CCDC148: variants seen among roughly 807,000 people sequenced by gnomAD.
The protein encoded by CCDC148 is coiled-coil domain-containing protein 148.
In CCDC148, 89 loss-of-function variants were observed where a neutral mutation model predicts 85.7. The ratio of observed to expected loss-of-function variants is 1.04; its 90% confidence interval spans 0.87 to 1.24. The LOEUF (loss-of-function observed/expected upper bound fraction) is 1.24. CCDC148 is among the 50% of genes most tolerant of loss of function. The pLI is 0.00. For synonymous variants in CCDC148, 230 were observed against 213.9 expected (o/e 1.08, Z -0.66); for missense variants, 692 against 671.7 (o/e 1.03, Z -0.33).
chr2:158,241,087 G>A (rs1426320807), intron 10 of CCDC148, among the ~76,000 whole-genome samples: 2 of 152,106 alleles, frequency 1.3e-5, no homozygotes, highest in African/African-American at 2.4e-5. Flanking sequence ...TCTCCTAACC[G>A]CTCCAACTTA....
chr2:158,304,473 G>T (rs1659965042), intron 9 of CCDC148, among the ~76,000 whole-genome samples: 1 of 152,094 alleles, frequency 6.6e-6, no homozygotes, highest in Admixed American at 6.6e-5. Flanking sequence ...ATTTATTGTT[G>T]TTCCATCCCA....
At chr2:158,332,146 G>A (rs867388048) in intron 7 of CCDC148, among the ~76,000 whole-genome samples, 7 of 152,140 alleles carry the variant, frequency 4.6e-5, no homozygotes, top group African/African-American at 7.2e-5. Flanking sequence ...GGCTGGTACT[G>A]GTTGTTCCTT....
At chr2:158,298,102 G>T (rs1691275295) in intron 9 of CCDC148, among the ~76,000 whole-genome samples, 1 of 152,186 alleles carries the variant, frequency 6.6e-6, no homozygotes, top group Admixed American at 6.5e-5. Context: ...GCCCAGCAAA[G>T]GGGGAAGCCC....
chr2:158,379,832 G>A (rs1684799472), intron 1 of CCDC148, among the ~76,000 whole-genome samples: 2 of 152,136 alleles, frequency 1.3e-5, no homozygotes, highest in African/African-American at 2.4e-5. Context: ...ATAGTATACT[G>A]TAAACATAAC....
intron 1 of CCDC148, among the ~76,000 whole-genome samples, chr2:158,392,509 T>G (rs75785612): frequency 0.011 from 1,628 of 152,188 alleles, 21 homozygotes; most frequent in African/African-American, 0.032. Flanking sequence ...ATTTTAGATT[T>G]TTGGATTTGA....
chr2:158,198,353 T>C (rs541948112), intron 11 of CCDC148, among the ~76,000 whole-genome samples: 2 of 152,314 alleles, frequency 1.3e-5, no homozygotes, highest in East Asian at 1.9e-4. Context: ...AGACACTCAA[T>C]AATAATTATT....
chr2:158,264,815 T>A (rs1469439127), intron 9 of CCDC148, among the ~76,000 whole-genome samples: 1 of 152,136 alleles, frequency 6.6e-6, no homozygotes, highest in Non-Finnish European at 1.5e-5. Context: ...TTCGTGGAAA[T>A]GGGAAATCTT....
chr2:158,278,661 G>A (rs1325048761), intron 9 of CCDC148, among the ~76,000 whole-genome samples: 1 of 152,270 alleles, frequency 6.6e-6, no homozygotes, highest in Non-Finnish European at 1.5e-5. Flanking sequence ...AGCTCAAGGA[G>A]GCCTGCCTGC....
intron 13 of CCDC148, among the ~76,000 whole-genome samples, chr2:158,175,508 A>G (rs1327376085): frequency 6.6e-6 from 1 of 151,836 alleles, no homozygotes; most frequent in African/African-American, 2.4e-5. Context: ...GACATTCATT[A>G]CAGAGTTGAT....
At chr2:158,254,710 A>G (rs965430) in intron 9 of CCDC148, among the ~76,000 whole-genome samples, 6,647 of 151,602 alleles carry the variant, frequency 0.044, 515 homozygotes, top group African/African-American at 0.15. Flanking sequence ...TTTTAATGAA[A>G]ATAAGTTAGG....
chr2:158,290,500 C>G (rs1047723605), intron 9 of CCDC148, among the ~76,000 whole-genome samples: 13 of 152,236 alleles, frequency 8.5e-5, no homozygotes, highest in Middle Eastern at 3.4e-3. Context: ...GCTTGCTGTT[C>G]CCTTTGCTTA....
chr2:158,201,896 C>A (rs548349908), intron 11 of CCDC148, among the ~76,000 whole-genome samples: 7 of 152,072 alleles, frequency 4.6e-5, no homozygotes, highest in Non-Finnish European at 1.0e-4. Context: ...TGGTTAAGTA[C>A]GTAATTGTCC....
chr2:158,366,476 G>A (rs1417559704), intron 1 of CCDC148, among the ~76,000 whole-genome samples: 1 of 152,172 alleles, frequency 6.6e-6, no homozygotes, highest in African/African-American at 2.4e-5. Context: ...AGATGCACCA[G>A]CCAGATCAAA....
chr2:158,194,020 A>T (rs1421917893), intron 11 of CCDC148, among the ~76,000 whole-genome samples: 1 of 151,948 alleles, frequency 6.6e-6, no homozygotes, highest in Non-Finnish European at 1.5e-5. Flanking sequence ...GTATAATAAA[A>T]AAAAAAAATT....
intron 1 of CCDC148, among the ~76,000 whole-genome samples, chr2:158,434,986 CA>C (rs1687568494): frequency 6.6e-6 from 1 of 152,066 alleles, no homozygotes; most frequent in African/African-American, 2.4e-5. Context: ...GTGAAAAGAC[CA>C]AATCTATGTC....
intron 11 of CCDC148, among the ~76,000 whole-genome samples, chr2:158,215,364 T>C (rs951550289): frequency 6.6e-6 from 1 of 152,136 alleles, no homozygotes; most frequent in African/African-American, 2.4e-5. Context: ...ATTTTGAAGT[T>C]TGTGCTCTAC....
intron 1 of CCDC148, among the ~76,000 whole-genome samples, chr2:158,376,021 C>A (rs1196157241): frequency 3.9e-5 from 6 of 152,118 alleles, no homozygotes; most frequent in Non-Finnish European, 8.8e-5. Flanking sequence ...ACAAAATCCT[C>A]AACTGAGATA....
intron 1 of CCDC148, among the ~76,000 whole-genome samples, chr2:158,438,758 T>A (rs138980416): frequency 6.6e-6 from 1 of 151,862 alleles, no homozygotes; most frequent in Non-Finnish European, 1.5e-5. Flanking sequence ...GAATCTACAA[T>A]GAACTCCAAC....
At chr2:158,221,422 G>T (rs552281602) in intron 10 of CCDC148, among the ~76,000 whole-genome samples, 2 of 152,202 alleles carry the variant, frequency 1.3e-5, no homozygotes, top group East Asian at 1.9e-4. Flanking sequence ...CCTTATTCAG[G>T]ATTTCCCAAT....
Sources: gnomAD v4.1 joint callset for allele counts (sites outside exome capture counted in the v4.1 genomes callset) on GRCh38, gnomAD v4.1.1 for gene constraint, MANE v1.5 for transcripts, NCBI Gene and HGNC (gene_info 2026-07-23, HGNC 2026-07-21) for gene names.